Variants in CNTNAP2 observed in about 807,000 individuals in gnomAD.
CNTNAP2 encodes contactin associated protein 2, also known as contactin-associated protein-like 2.
CNTNAP2 carries 98 observed loss-of-function variants against 155.2 expected under a neutral mutation model. That is an observed-to-expected ratio of 0.63 (90% CI 0.54 to 0.75). The LOEUF (loss-of-function observed/expected upper bound fraction) is 0.75, where lower values mean the gene tolerates loss of function less well. CNTNAP2 is among the 30% of genes least tolerant of loss of function. CNTNAP2 has a pLI of 0.00. For synonymous variants in CNTNAP2, 651 were observed against 631.2 expected (o/e 1.03, Z -0.47); for missense variants, 1,727 against 1,688.1 (o/e 1.02, Z -0.40).
At chr7:147,457,431 C>T (rs1404143395) in intron 10 of CNTNAP2, among the ~76,000 whole-genome samples, 1 of 152,142 alleles carries the variant, frequency 6.6e-6, no homozygotes. Context: ...TGCCACATCA[C>T]CAGAAAAGCC....
At chr7:146,765,617 A>G (rs1000556265) in intron 1 of CNTNAP2, among the ~76,000 whole-genome samples, 1 of 152,194 alleles carries the variant, frequency 6.6e-6, no homozygotes, top group African/African-American at 2.4e-5. Flanking sequence ...CCTTCCTCTC[A>G]TGGTATTTAC....
At chr7:146,838,490 G>C (rs1295876779) in intron 2 of CNTNAP2, among the ~76,000 whole-genome samples, 1 of 151,922 alleles carries the variant, frequency 6.6e-6, no homozygotes, top group Non-Finnish European at 1.5e-5. Flanking sequence ...GCTAATTTTT[G>C]TATTTTTAGA....
chr7:147,535,487 GA>G (rs1799523398), intron 11 of CNTNAP2, among the ~76,000 whole-genome samples: 1 of 152,176 alleles, frequency 6.6e-6, no homozygotes, highest in Non-Finnish European at 1.5e-5. Context: ...TATGACAGTG[GA>G]AAAAGATTTC....
chr7:148,284,276 C>T (rs2116468584), intron 21 of CNTNAP2, among the ~76,000 whole-genome samples: 1 of 152,140 alleles, frequency 6.6e-6, no homozygotes, highest in Non-Finnish European at 1.5e-5. Flanking sequence ...GGGGGGGTTT[C>T]CCCCATACTG....
At chr7:146,668,517 T>C (rs933521938) in intron 1 of CNTNAP2, among the ~76,000 whole-genome samples, 3 of 151,748 alleles carry the variant, frequency 2.0e-5, no homozygotes, top group Non-Finnish European at 4.4e-5. Flanking sequence ...GCTTGCAGAA[T>C]GAGTTTGGAA....
At chr7:147,205,066 G>A (rs1802994574) in intron 8 of CNTNAP2, among the ~76,000 whole-genome samples, 1 of 152,210 alleles carries the variant, frequency 6.6e-6, no homozygotes, top group East Asian at 1.9e-4. Context: ...TATGAATTCA[G>A]GTAATGTGAT....
chr7:148,062,748 G>A (rs1333135258), intron 15 of CNTNAP2, among the ~76,000 whole-genome samples: 2 of 152,098 alleles, frequency 1.3e-5, no homozygotes, highest in African/African-American at 4.8e-5. Context: ...TAAAAAATGA[G>A]TTAAGGCTAG....
At chr7:147,913,149 G>T (rs1318985959) in intron 14 of CNTNAP2, among the ~76,000 whole-genome samples, 1 of 152,206 alleles carries the variant, frequency 6.6e-6, no homozygotes, top group Admixed American at 6.5e-5. Flanking sequence ...TGTAACACAT[G>T]TCCAAAGGAT....
intron 13 of CNTNAP2, among the ~76,000 whole-genome samples, chr7:147,853,854 G>A (rs971700751): frequency 2.0e-5 from 3 of 152,154 alleles, no homozygotes; most frequent in Admixed American, 2.0e-4. Context: ...ACATTTTTAA[G>A]CATGTTTATG....
intron 1 of CNTNAP2, among the ~76,000 whole-genome samples, chr7:146,512,655 T>A (rs980797480): frequency 1.3e-5 from 2 of 152,018 alleles, no homozygotes; most frequent in Non-Finnish European, 2.9e-5. Context: ...AGATATTTAA[T>A]ACTTGACTGT....
intron 8 of CNTNAP2, among the ~76,000 whole-genome samples, chr7:147,207,599 A>T (rs1003450639): frequency 6.6e-6 from 1 of 152,166 alleles, no homozygotes; most frequent in Non-Finnish European, 1.5e-5. Flanking sequence ...TTAAAAGTCT[A>T]TGGAAAGAAA....
At position 146,169,164 on chromosome 7, in the gene CNTNAP2, TTTCTC is replaced by T. The variant is rs1416704838; in HGVS notation, c.97+52197_97+52201del. Among the ~76,000 whole-genome samples the T allele has an allele frequency of 9.2e-5, 14 of 152,292 alleles. No homozygotes were observed. In the East Asian group the frequency reaches 2.1e-3, roughly 23 times the overall value. On this transcript the variant is annotated intron_variant, in intron 1 of 23. Coordinates refer to ENST00000361727, the MANE Select transcript of CNTNAP2 (RefSeq NM_014141.6). ...TAGAAATGCAATCCAACCAAGCACT[TTTCTC>T]TTCTCCACATTTTCTTTTCCAGATA...
intron 3 of CNTNAP2, among the ~76,000 whole-genome samples, chr7:146,946,033 AG>A (rs1797163356): frequency 6.6e-6 from 1 of 152,066 alleles, no homozygotes; most frequent in Admixed American, 6.6e-5. Flanking sequence ...TCTACCAATA[AG>A]TTTAAAAAGA....
chr7:147,702,465 C>T (rs187624401), intron 13 of CNTNAP2, among the ~76,000 whole-genome samples: 1 of 151,766 alleles, frequency 6.6e-6, no homozygotes, highest in African/African-American at 2.4e-5. Flanking sequence ...AAGATATGGT[C>T]CCACATATGT....
chr7:147,386,512 C>A (rs1364685735), intron 9 of CNTNAP2, among the ~76,000 whole-genome samples: 1 of 152,108 alleles, frequency 6.6e-6, no homozygotes, highest in Non-Finnish European at 1.5e-5. Flanking sequence ...CGAAGTTTCA[C>A]AAATCTCTAG....
chr7:147,862,323 TC>T (rs2116687557), intron 13 of CNTNAP2, among the ~76,000 whole-genome samples: 1 of 152,246 alleles, frequency 6.6e-6, no homozygotes, highest in African/African-American at 2.4e-5. Context: ...TTTCAACCAT[TC>T]CCCCGTACTC....
intron 3 of CNTNAP2, among the ~76,000 whole-genome samples, chr7:146,952,047 C>G (rs972387743): frequency 1.3e-5 from 2 of 151,942 alleles, no homozygotes; most frequent in African/African-American, 4.8e-5. Flanking sequence ...ACTGGCAAAC[C>G]GAATACAGCA....
At chr7:146,593,705 TTGCAA>T (rs1798817586) in intron 1 of CNTNAP2, among the ~76,000 whole-genome samples, 1 of 152,136 alleles carries the variant, frequency 6.6e-6, no homozygotes, top group African/African-American at 2.4e-5. Flanking sequence ...TATTTCTCAT[TTGCAA>T]TGCTCATCCC....
chr7:146,156,765 C>T (rs959765166), intron 1 of CNTNAP2, among the ~76,000 whole-genome samples: 1 of 152,106 alleles, frequency 6.6e-6, no homozygotes, highest in African/African-American at 2.4e-5. Context: ...CCACACCTGG[C>T]TAATTTTTGT....
Sources: allele counts gnomAD v4.1 joint callset (sites outside exome capture counted in the v4.1 genomes callset), GRCh38; gene constraint gnomAD v4.1.1; transcripts MANE v1.5; gene names NCBI Gene and HGNC (gene_info 2026-07-23, HGNC 2026-07-21).